SEMA7A: variants seen among roughly 807,000 people sequenced by gnomAD.
SEMA7A encodes semaphorin 7A (JohnMiltonHagen blood group), also known as semaphorin-7A.
A neutral mutation model predicts 67.5 loss-of-function variants in SEMA7A; 21 were observed. The ratio of observed to expected loss-of-function variants is 0.31; its 90% CI spans 0.22 to 0.45. The LOEUF (loss-of-function observed/expected upper bound fraction) is 0.45. SEMA7A is among the 20% of genes least tolerant of loss of function. The pLI, the probability that SEMA7A is intolerant of heterozygous loss-of-function variation, is 1.00. For synonymous variants in SEMA7A, 364 were observed against 368.5 expected (o/e 0.99, Z 0.14); for missense variants, 774 against 908.6 (o/e 0.85, Z 1.90).
chr15:74,415,128 A>C (rs2734633), intron 8 of SEMA7A, among the ~76,000 whole-genome samples, 182 bp from the exon 9 acceptor site: 17,062 of 152,146 alleles, frequency 0.11, 1,212 homozygotes, highest in African/African-American at 0.2. Flanking sequence ...TAAAACCACA[A>C]ACTTGTATCC....
intron 7 of SEMA7A, 31 bp downstream of exon 7, chr15:74,416,544 C>T (rs371507166): frequency 5.9e-5 from 95 of 1,609,252 alleles, no homozygotes; most frequent in Middle Eastern, 5.0e-4. Flanking sequence ...TGCACAGACA[C>T]GTAGCCAGCA....
In SEMA7A at chr15:74,414,429, G is replaced by C; in HGVS notation, c.1294+118C>G. The C allele has an allele frequency of 1.9e-6, 2 of 1,080,518 alleles. No homozygotes were observed. Among genetic ancestry groups the C allele is most frequent in the African/African-American group, 1.6e-5 (1 of 63,616 alleles). 66.9% of individuals were successfully genotyped at this position (1,080,518 alleles called of 1,614,324 possible). ...CACACATTAACCCCTGACAACTCCAGTCACTCAATTATTCCTTCCACATGT... is the reference window on the plus strand; with the variant it reads ...CACACATTAACCCCTGACAACTCCACTCACTCAATTATTCCTTCCACATGT... On this transcript the variant is annotated intron_variant, in intron 10 of 13. Coordinates refer to ENST00000261918, the MANE Select transcript of SEMA7A (RefSeq NM_003612.5). The surrounding 1 kb of genome is among the most constrained non-coding windows in gnomAD (Gnocchi z 4.1).
chr15:74,416,206 C>T (rs938235150), intron 7 of SEMA7A, among the ~76,000 whole-genome samples: 1 of 152,088 alleles, frequency 6.6e-6, no homozygotes, highest in Non-Finnish European at 1.5e-5. Flanking sequence ...GCCAGCAGTG[C>T]CCAGGGTCAG....
chr15:74,417,827 C>T (rs766906808), intron 4 of SEMA7A, 50 bp downstream of exon 4: 1 of 1,596,848 alleles, frequency 6.3e-7, no homozygotes, highest in Non-Finnish European at 8.6e-7. Flanking sequence ...GGCAGAAGCC[C>T]ACGCAGTAGA....
chr15:74,414,813 G>T lies in SEMA7A; in HGVS notation c.1095+25C>A. 6.2e-7 allele frequency: 1 copy of T among 1,613,900 alleles called. No homozygotes were observed. The highest frequency in any genetic ancestry group is 1.1e-5 in the South Asian group (1 of 91,070). ...GTGAGGCAGAAGGAGGGCTGGGCCTGGGCCACGGCTGGTGTCACGCTCACC... is the reference window on the plus strand; with the variant it reads ...GTGAGGCAGAAGGAGGGCTGGGCCTTGGCCACGGCTGGTGTCACGCTCACC... On this transcript the variant is annotated intron_variant, in intron 9 of 13. Transcript: ENST00000261918. The surrounding 1 kb of genome is among the most constrained non-coding windows in gnomAD (Gnocchi z 4.1).
chr15:74,424,762 G>A (rs2061029696), intron 1 of SEMA7A, among the ~76,000 whole-genome samples: 1 of 152,192 alleles, frequency 6.6e-6, no homozygotes, highest in African/African-American at 2.4e-5. Context: ...TGGGTAAGAT[G>A]CCCTGAGCCC....
At position 74,411,806 on chromosome 15, in the gene SEMA7A, C is replaced by A. The variant is rs1359947037; in HGVS notation, c.1422+79G>T. The stretch of plus-strand genomic sequence containing the variant: ...AGGCCTAGAAGCTCTTAAAAGAACA[C>A]ACAAATCACATGCAAAGGAGCCCTG... On this transcript the variant is annotated intron_variant, in intron 11 of 13. Coordinates refer to ENST00000261918, the MANE Select transcript of SEMA7A (RefSeq NM_003612.5). This position sits in a 1 kb window ranked among gnomAD's most constrained non-coding sequence, Gnocchi z 4.4. 1.2e-6 allele frequency: 2 copies of A among 1,603,078 alleles called. No individual in the cohort carries two copies. Among genetic ancestry groups the A allele is most frequent in the African/African-American group, 1.3e-5 (1 of 74,720 alleles).
rs2061014514 is a variant in SEMA7A at position 74,423,143 on chromosome 15, G to T, written c.179-4191C>A. On this transcript the variant is annotated intron_variant, in intron 1 of 13. Transcript: ENST00000261918. The surrounding 1 kb of genome is among the most constrained non-coding windows in gnomAD (Gnocchi z 4.1). ...GCAGTCAGAGAGGCCCCGGGCCAAA[G>T]AGCAGAAAGCAGGCCGACCTCAGGT... 6.6e-6 allele frequency among the ~76,000 whole-genome samples: 1 copy of T among 152,238 alleles called. No individual in the cohort carries two copies. The highest frequency in any genetic ancestry group is 1.5e-5 in the Non-Finnish European group (1 of 68,038).
chr15:74,410,538 A>C lies in SEMA7A; in HGVS notation c.*86T>G, dbSNP rs2060889814. On this transcript the variant is annotated 3_prime_UTR_variant, in exon 14 of 14. Coordinates refer to ENST00000261918, the MANE Select transcript of SEMA7A (RefSeq NM_003612.5). The surrounding 1 kb of genome is among the most constrained non-coding windows in gnomAD (Gnocchi z 7.5). ...CCCCTGGAAGAAGTGGCAGGCAAGGAGCTCCCGGGCCAGCCGGCTCTGAGT... is the reference window on the plus strand; with the variant it reads ...CCCCTGGAAGAAGTGGCAGGCAAGGCGCTCCCGGGCCAGCCGGCTCTGAGT... 6.7e-7 allele frequency: 1 copy of C among 1,496,650 alleles called. No individual in the cohort carries two copies. 92.7% of individuals were successfully genotyped at this position (1,496,650 alleles called of 1,614,324 possible). A position where few individuals can be genotyped will look rare whatever the true frequency, so the allele number is the denominator to read the frequency against.
rs187818502 is a variant in SEMA7A at position 74,411,396 on chromosome 15, G to A, written c.1578-40C>T. The A allele has an allele frequency of 4.4e-6, 7 of 1,606,880 alleles. No individual in the cohort carries two copies. The highest frequency in any genetic ancestry group is 2.7e-5 in the African/African-American group (2 of 74,922). ...ACGAAAGAGGATCAGCAGATACAAG[G>A]CTGCAGACCTGACCCTCCTATCCTT... On this transcript the variant is annotated intron_variant, in intron 12 of 13. Transcript: ENST00000261918. This position sits in a 1 kb window ranked among gnomAD's most constrained non-coding sequence, Gnocchi z 4.4.
chr15:74,429,784 G>T (rs1052963822), intron 1 of SEMA7A, among the ~76,000 whole-genome samples: 6 of 152,066 alleles, frequency 3.9e-5, no homozygotes, highest in Admixed American at 6.5e-5. Context: ...TCTTCACATG[G>T]GGGCCCCTCA....
intron 1 of SEMA7A, among the ~76,000 whole-genome samples, chr15:74,430,690 G>A (rs1364103230): frequency 6.6e-6 from 1 of 152,216 alleles, no homozygotes; most frequent in Non-Finnish European, 1.5e-5. Flanking sequence ...CTCCTCCGGG[G>A]AATTGCCCCC....
rs572742411 is a variant in SEMA7A, at chr15:74,419,565, T to C, written c.179-613A>G. On this transcript the variant is annotated intron_variant, in intron 1 of 13. Coordinates refer to ENST00000261918, the MANE Select transcript of SEMA7A (RefSeq NM_003612.5). ...CTAGAGGAGGAAAGGAATCTCAACA[T>C]CTACTCCGTCCCATTTCACAGATGG... Among the ~76,000 whole-genome samples the C allele has an allele frequency of 8.5e-5, 13 of 152,202 alleles. No individual in the cohort carries two copies. In the South Asian group the frequency reaches 1.4e-3, roughly 17 times the overall value.
chr15:74,421,651 C>T (rs1369633872), intron 1 of SEMA7A, among the ~76,000 whole-genome samples: 2 of 152,202 alleles, frequency 1.3e-5, no homozygotes, highest in Non-Finnish European at 2.9e-5. Context: ...CCTGGGCTCC[C>T]GCACCGCCTG....
chr15:74,412,095 G>C, intron 10 of SEMA7A, 83 bp from the exon 11 acceptor site: 1 of 1,526,714 alleles, frequency 6.6e-7, no homozygotes, highest in Non-Finnish European at 9.0e-7. Context: ...GGAGGGGTGG[G>C]AAGTCACAAC....
In SEMA7A at chr15:74,410,771, G is replaced by C; in HGVS notation, c.1854C>G (p.Gly618=). 1 of 1,614,168 alleles carries C rather than the reference G, an allele frequency of 6.2e-7. No individual in the cohort carries two copies. Among genetic ancestry groups the C allele is most frequent in the African/African-American group, 1.3e-5 (1 of 75,072 alleles). Reference sequence around the variant, plus strand: ...AGTGCTGAGCCTCGCGGAAGTAGGAGCCCTCCTGGGCCTCGCAGAAGTAGT... The same window carrying C: ...AGTGCTGAGCCTCGCGGAAGTAGGACCCCTCCTGGGCCTCGCAGAAGTAGT... The part of the protein sequence containing the change: ...YGHYFCEAQE[G]SYFREAQHWQ... The change falls in exon 14 of 14, where the codon GGC becomes GGG. Residue 618 remains glycine (G), a synonymous_variant. Transcript: ENST00000261918. The surrounding 1 kb of genome is among the most constrained non-coding windows in gnomAD (Gnocchi z 7.5).
chr15:74,415,737 G>A, intron 8 of SEMA7A, 64 bp downstream of exon 8: 1 of 1,490,322 alleles, frequency 6.7e-7, no homozygotes, highest in African/African-American at 1.4e-5. Context: ...AGGGCCCAAG[G>A]CCTCCTGTCC....
intron 6 of SEMA7A, 63 bp from the exon 7 acceptor site, chr15:74,416,777 C>G: frequency 6.4e-7 from 1 of 1,558,206 alleles, no homozygotes; most frequent in Admixed American, 1.7e-5. Context: ...CCATCCCAAC[C>G]CTGCACACTC....
intron 10 of SEMA7A, among the ~76,000 whole-genome samples, chr15:74,413,334 T>C (rs567086501): frequency 6.6e-6 from 1 of 152,354 alleles, no homozygotes; most frequent in South Asian, 2.1e-4. Context: ...GAAAGCTCTA[T>C]TTTTCAGTCT....
Sources: gnomAD v4.1 joint callset for allele counts (sites outside exome capture counted in the v4.1 genomes callset) on GRCh38, gnomAD v4.1.1 for gene constraint, Gnocchi (gnomAD v3.1) non-coding constraint, MANE v1.5 for transcripts, NCBI Gene and HGNC (gene_info 2026-07-23, HGNC 2026-07-21) for gene names.